Variants in SMURF1 observed in about 807,000 individuals in gnomAD.
SMURF1 encodes SMAD specific E3 ubiquitin protein ligase 1.
SMURF1 carries 44 observed loss-of-function variants against 98.0 expected under a neutral mutation model. The observed-to-expected ratio is 0.45, with a 90% confidence interval of 0.35 to 0.58. The LOEUF (loss-of-function observed/expected upper bound fraction) is 0.58, where lower values mean the gene tolerates loss of function less well. Ranked by LOEUF, SMURF1 falls within the 20% of genes least tolerant of loss-of-function variation. The pLI is 0.00. For missense variants in SMURF1, 687 were observed against 938.4 expected (o/e 0.73, Z 3.50); for synonymous variants, 396 against 374.9 (o/e 1.06, Z -0.65).
At chr7:99,041,341 G>A (rs1795372709) in intron 12 of SMURF1, among the ~76,000 whole-genome samples, 1 of 152,168 alleles carries the variant, frequency 6.6e-6, no homozygotes, top group Non-Finnish European at 1.5e-5. Context: ...GGCAGAGGTT[G>A]CAGTGAGCAG....
intron 9 of SMURF1, chr7:99,049,021 G>GT (rs1795670522): frequency 6.6e-6 from 1 of 152,300 alleles, no homozygotes; most frequent in African/African-American, 2.4e-5. Flanking sequence ...AACCCAGGAG[G>GT]TGGAGGGTGC....
chr7:99,137,252 A>C (rs763158263), intron 1 of SMURF1, among the ~76,000 whole-genome samples: 1 of 152,186 alleles, frequency 6.6e-6, no homozygotes, highest in East Asian at 1.9e-4. Flanking sequence ...AATAATTCAT[A>C]ACTACTCATT....
At chr7:99,036,643 G>T (rs185712408) in intron 15 of SMURF1, among the ~76,000 whole-genome samples, 1 of 152,130 alleles carries the variant, frequency 6.6e-6, no homozygotes, top group Admixed American at 6.6e-5. Context: ...ATGAATCACC[G>T]TGTTCAAGTG....
chr7:99,040,320 T>TA (rs1305767971), intron 13 of SMURF1, 58 bp downstream of exon 13: 1 of 1,405,798 alleles, frequency 7.1e-7, no homozygotes, highest in Non-Finnish European at 9.3e-7. Context: ...CGCGCATACA[T>TA]ACGATAGACG....
Position 99,042,293 on chromosome 7 carries a change from T to C in SMURF1, c.1257-61A>G, listed in dbSNP as rs537060301. 3,929 of 1,134,452 alleles carry C rather than the reference T, an allele frequency of 3.5e-3. 15 individuals are homozygous for C. Among genetic ancestry groups the C allele is most frequent in the East Asian group, 6.9e-3 (276 of 39,960 alleles). 70.3% of individuals were successfully genotyped at this position (1,134,452 alleles called of 1,614,324 possible). Reference sequence around the variant, plus strand: ...CTAAAATTTCTACATTTTTTTTTTTTCCCTGAGATGGAGTCTCACTCTGTC... The same window carrying C: ...CTAAAATTTCTACATTTTTTTTTTTCCCCTGAGATGGAGTCTCACTCTGTC... On this transcript the variant is annotated intron_variant, in intron 11 of 17. Transcript: ENST00000361368.
At chr7:99,127,084 T>A (rs1378995936) in intron 1 of SMURF1, among the ~76,000 whole-genome samples, 2 of 152,188 alleles carry the variant, frequency 1.3e-5, no homozygotes, top group Non-Finnish European at 2.9e-5. Flanking sequence ...TTCCTAGTGC[T>A]TCAGCCCCGA....
rs367561734 is a variant in SMURF1, at chr7:99,073,109, G to A, written c.56-11272C>T. Among the ~76,000 whole-genome samples, 17 of 152,278 alleles carry A rather than the reference G, an allele frequency of 1.1e-4. No homozygotes were observed. In the South Asian group the frequency reaches 3.1e-3, roughly 28 times the overall value. On this transcript the variant is annotated intron_variant, in intron 1 of 17. Coordinates refer to ENST00000361368, the MANE Select transcript of SMURF1 (RefSeq NM_181349.3). ...AGCATTAGAATGAAAACATTTTGGT[G>A]GCTCATGCCTGTAATCCCAGCAGTC...
At chr7:99,111,783 G>A (rs1253401956) in intron 1 of SMURF1, among the ~76,000 whole-genome samples, 2 of 152,204 alleles carry the variant, frequency 1.3e-5, no homozygotes, top group African/African-American at 2.4e-5. Context: ...ACAGGGAGCA[G>A]AACATATCTT....
intron 1 of SMURF1, among the ~76,000 whole-genome samples, chr7:99,082,580 C>T (rs554109067): frequency 1.3e-5 from 2 of 152,334 alleles, no homozygotes; most frequent in Non-Finnish European, 2.9e-5. Context: ...TCTATATCTA[C>T]GCTACTGTCA....
Position 99,037,069 on chromosome 7 carries a change from C to T in SMURF1, c.1807G>A (p.Glu603Lys). Residue 603 changes from glutamate (E) to lysine (K), a missense_variant and splice_region_variant, in exon 15 of 18, where the codon GAG becomes AAG. By Grantham distance (56) the Glu-to-Lys change is moderately conservative. Coordinates refer to ENST00000361368, the MANE Select transcript of SMURF1 (RefSeq NM_181349.3). The stretch of plus-strand genomic sequence containing the variant: ...GACTCCGCACAGCAGGCACATACCT[C>T]CAGTTCCTTCTGGTCAAAAGGCTTC... Reference protein sequence around the residue: ...LLKPFDQKELELIIGGLDKID... With the variant: ...LLKPFDQKELKLIIGGLDKID... The T allele has an allele frequency of 6.2e-7, 1 of 1,613,848 alleles. No individual in the cohort carries two copies. The highest frequency in any genetic ancestry group is 1.1e-5 in the South Asian group (1 of 91,062).
Position 99,049,728 on chromosome 7 carries a change from C to G in SMURF1, c.807-19G>C, listed in dbSNP as rs368142626. On this transcript the variant is annotated intron_variant, in intron 8 of 17. Transcript: ENST00000361368. The stretch of plus-strand genomic sequence containing the variant: ...AAGGTCTCTACCAAAATGGAAGATA[C>G]AGAGAGGTTTGTCCAACTGAGTATG... 3.7e-6 allele frequency: 6 copies of G among 1,609,314 alleles called. No homozygotes were observed. The highest frequency in any genetic ancestry group is 1.3e-5 in the African/African-American group (1 of 74,738).
At chr7:99,120,907 T>C (rs909916870) in intron 1 of SMURF1, 27 of 151,614 alleles carry the variant, frequency 1.8e-4, no homozygotes, top group Non-Finnish European at 2.4e-4. Flanking sequence ...TTTTTTTTTT[T>C]CCCCAACATC....
rs1192604571 is a variant in SMURF1, at chr7:99,029,972, T to C, written c.*612A>G. The stretch of plus-strand genomic sequence containing the variant: ...AAAAGCTGCTCCAATTCCTTCTCCT[T>C]TCAAAGGGGAAACACATTTTGACTC... On this transcript the variant is annotated 3_prime_UTR_variant, in exon 18 of 18. Coordinates refer to ENST00000361368, the MANE Select transcript of SMURF1 (RefSeq NM_181349.3). The C allele has an allele frequency of 6.6e-6, 1 of 152,232 alleles. No individual in the cohort carries two copies. The highest frequency in any genetic ancestry group is 1.5e-5 in the Non-Finnish European group (1 of 68,046). The allele number at this position is 152,232 out of a possible 1,614,324, so 9.4% of individuals were successfully genotyped here.
chr7:99,043,341 A>C (rs574650716), intron 11 of SMURF1, among the ~76,000 whole-genome samples: 1 of 152,324 alleles, frequency 6.6e-6, no homozygotes, highest in Non-Finnish European at 1.5e-5. Context: ...TGTGTAATAC[A>C]CATGCAACTG....
At chr7:99,058,113 T>C (rs1313787988) in intron 3 of SMURF1, among the ~76,000 whole-genome samples, 3 of 152,072 alleles carry the variant, frequency 2.0e-5, no homozygotes, top group Non-Finnish European at 2.9e-5. Context: ...AGACTTACTA[T>C]ATTTTATTTA....
rs576957674 is a variant in SMURF1 at position 99,062,717 on chromosome 7, G to A, written c.56-880C>T. Among the ~76,000 whole-genome samples, 160 of 152,104 alleles carry A rather than the reference G, an allele frequency of 1.1e-3. 1 individual carries two copies. Among genetic ancestry groups the A allele is most frequent in the African/African-American group, 1.1e-3 (46 of 41,518 alleles). The stretch of plus-strand genomic sequence containing the variant: ...ACAAAAATTAGCTGTGTGTGGTAGC[G>A]CATGCCTCTAATCCCAGCTACTCCA... On this transcript the variant is annotated intron_variant, in intron 1 of 17. Transcript: ENST00000361368.
intron 1 of SMURF1, among the ~76,000 whole-genome samples, chr7:99,110,524 G>A (rs1160437306): frequency 6.6e-6 from 1 of 152,204 alleles, no homozygotes; most frequent in African/African-American, 2.4e-5. Flanking sequence ...GAGAGATGCA[G>A]ATTAAACCTA....
intron 1 of SMURF1, among the ~76,000 whole-genome samples, chr7:99,127,536 T>C (rs376612777): frequency 2.0e-5 from 3 of 151,828 alleles, no homozygotes; most frequent in Non-Finnish European, 4.4e-5. Context: ...TAAAAAAAAT[T>C]TAAAATAAAA....
rs554658904 is a variant in SMURF1 at position 99,049,305 on chromosome 7, C to T, written c.953+258G>A. ...CGTGCGGAAACTTCCTTCGTGCAGC[C>T]GCCTAATACTGCCATCTCGGTAAAT... On this transcript the variant is annotated intron_variant, in intron 9 of 17. Coordinates refer to ENST00000361368, the MANE Select transcript of SMURF1 (RefSeq NM_181349.3). The T allele has an allele frequency of 4.3e-5, 18 of 418,632 alleles. 1 individual carries two copies. The highest frequency in any genetic ancestry group is 2.2e-4 in the African/African-American group (11 of 49,302). 25.9% of individuals were successfully genotyped at this position (418,632 alleles called of 1,614,324 possible).
Sources: gnomAD v4.1 joint callset for allele counts (sites outside exome capture counted in the v4.1 genomes callset) on GRCh38, gnomAD v4.1.1 for gene constraint, MANE v1.5 for transcripts, NCBI Gene and HGNC (gene_info 2026-07-23, HGNC 2026-07-21) for gene names.